The following MAP3K4 variants were observed in gnomAD, a reference collection of about 807,000 sequenced individuals.
The protein encoded by MAP3K4 is MAP three kinase 1.
A neutral mutation model predicts 185.6 loss-of-function variants in MAP3K4; 67 were observed. That is an observed-to-expected ratio of 0.36 (90% CI 0.30 to 0.44). The LOEUF (loss-of-function observed/expected upper bound fraction) is 0.44, where lower values mean the gene tolerates loss of function less well. Among genes scored for constraint, MAP3K4 ranks in the 20% least tolerant of loss-of-function variants. The pLI, the probability that MAP3K4 is intolerant of heterozygous loss-of-function variation, is 1.00. For synonymous variants in MAP3K4, 702 were observed against 710.4 expected (o/e 0.99, Z 0.19); for missense variants, 1,551 against 1,995.1 (o/e 0.78, Z 4.24).
At chr6:161,026,370 C>T (rs761196207) in intron 1 of MAP3K4, among the ~76,000 whole-genome samples, 2 of 151,956 alleles carry the variant, frequency 1.3e-5, no homozygotes, top group African/African-American at 2.4e-5. Context: ...CTTCTGACCT[C>T]GTGATCTGCC....
At position 161,109,042 on chromosome 6, in the gene MAP3K4, G is replaced by A. The variant is rs1778229517; in HGVS notation, c.4236+183G>A. 5 of 1,524,202 alleles carry A rather than the reference G, an allele frequency of 3.3e-6. No individual in the cohort carries two copies. The highest frequency in any genetic ancestry group is 3.5e-6 in the Non-Finnish European group (4 of 1,132,986). 94.4% of individuals were successfully genotyped at this position (1,524,202 alleles called of 1,614,324 possible). A position where few individuals can be genotyped will look rare whatever the true frequency, so the allele number is the denominator to read the frequency against. Reference sequence around the variant, plus strand: ...AAACTAGAGGAGTTCCTCCTAAAATGTAAGTTGTAGACTGTAGTCATTAAC... The same window carrying A: ...AAACTAGAGGAGTTCCTCCTAAAATATAAGTTGTAGACTGTAGTCATTAAC... On this transcript the variant is annotated intron_variant, in intron 22 of 26. Coordinates refer to ENST00000392142, the MANE Select transcript of MAP3K4 (RefSeq NM_005922.4). This position sits in a 1 kb window ranked among gnomAD's most constrained non-coding sequence, Gnocchi z 5.7.
intron 4 of MAP3K4, among the ~76,000 whole-genome samples, chr6:161,072,536 C>T (rs1458297270): frequency 6.6e-6 from 1 of 152,066 alleles, no homozygotes; most frequent in South Asian, 2.1e-4. Flanking sequence ...GGTTAATCAT[C>T]GATTTAAGTA....
At chr6:161,029,735 G>T (rs79658833) in intron 1 of MAP3K4, among the ~76,000 whole-genome samples, 3,591 of 152,248 alleles carry the variant, frequency 0.024, 152 homozygotes, top group African/African-American at 0.082. Flanking sequence ...CATCTCACAT[G>T]AACGATTACA....
At chr6:161,031,832 TG>T (rs1472662785) in intron 1 of MAP3K4, among the ~76,000 whole-genome samples, 1 of 152,234 alleles carries the variant, frequency 6.6e-6, no homozygotes, top group Non-Finnish European at 1.5e-5. Flanking sequence ...CAATAATGGA[TG>T]CTTCACCCAC....
Position 160,992,002 on chromosome 6 carries a change from AGCCGCCGCC to A in MAP3K4, c.72_80del (p.Pro34_Pro36del), listed in dbSNP as rs776186670. 4 of 1,537,170 alleles carry A rather than the reference AGCCGCCGCC, an allele frequency of 2.6e-6. No individual in the cohort carries two copies. The East Asian group carries it at 7.5e-5, about 29-fold the overall frequency. The stretch of plus-strand genomic sequence containing the variant: ...GTCACGCCTGCCGCCGCCATGGAGG[AGCCGCCGCC>A]ACCGCCGCCGCCGCCACCACCGCCA... On this transcript the variant is annotated inframe_deletion, in exon 1 of 27. Transcript: ENST00000392142.
At chr6:161,030,616 T>C (rs1052485585) in intron 1 of MAP3K4, among the ~76,000 whole-genome samples, 11 of 152,092 alleles carry the variant, frequency 7.2e-5, no homozygotes, top group African/African-American at 2.7e-4. Flanking sequence ...GGTTTTGCCA[T>C]GTTGTCCAGG....
At chr6:161,069,501 A>C (rs1470873491) in intron 3 of MAP3K4, among the ~76,000 whole-genome samples, 1 of 152,126 alleles carries the variant, frequency 6.6e-6, no homozygotes, top group East Asian at 1.9e-4. Flanking sequence ...AGAAGGCAGC[A>C]CTGGAGGGTG....
chr6:161,026,292 A>AG (rs1782650353), intron 1 of MAP3K4, among the ~76,000 whole-genome samples: 1 of 94,602 alleles, frequency 1.1e-5, no homozygotes, highest in African/African-American at 3.4e-5. Context: ...CACCACGCGC[A>AG]GCTAATTTTT....
At position 161,049,219 on chromosome 6, in the gene MAP3K4, G is replaced by A. The variant is rs1783888193; in HGVS notation, c.947G>A (p.Gly316Asp). ...TTCGCCTTTGTTAGAGATAGAGCTGGTTTTAATGGTACTTCAGTAGAAGGG... is the reference window on the plus strand; with the variant it reads ...TTCGCCTTTGTTAGAGATAGAGCTGATTTTAATGGTACTTCAGTAGAAGGG... The part of the protein sequence containing the change: ...GSFAFVRDRA[G>D]FNGTSVEGQC... Residue 316 changes from glycine (G) to aspartate (D), a missense_variant, in exon 3 of 27, where the codon GGT (glycine) becomes GAT (aspartate). By Grantham distance (94) the Gly-to-Asp change is moderately conservative. Coordinates refer to ENST00000392142, the MANE Select transcript of MAP3K4 (RefSeq NM_005922.4). The surrounding 1 kb of genome is among the most constrained non-coding windows in gnomAD (Gnocchi z 8.4). The A allele has an allele frequency of 6.2e-7, 1 of 1,614,144 alleles. No individual in the cohort carries two copies. The highest frequency in any genetic ancestry group is 8.5e-7 in the Non-Finnish European group (1 of 1,180,010).
intron 2 of MAP3K4, among the ~76,000 whole-genome samples, chr6:161,044,763 T>TC (rs1361789557): frequency 2.0e-5 from 3 of 152,154 alleles, no homozygotes; most frequent in Non-Finnish European, 4.4e-5. Flanking sequence ...CAACTCAGCT[T>TC]CTGGTGAAGC....
In MAP3K4 at chr6:161,112,585, ATATT is replaced by A; in HGVS notation, c.4520-82_4520-79del. The A allele has an allele frequency of 1.2e-6, 1 of 805,260 alleles. No individual in the cohort carries two copies. The highest frequency in any genetic ancestry group is 1.8e-6 in the Non-Finnish European group (1 of 552,592). 49.9% of individuals were successfully genotyped at this position (805,260 alleles called of 1,614,324 possible). A position where few individuals can be genotyped will look rare whatever the true frequency, so the allele number is the denominator to read the frequency against. ...TAATGCAGGAAGATAATATTGTACA[ATATT>A]AATTTATTGCTTGGCTCTATTAATA... On this transcript the variant is annotated intron_variant, in intron 24 of 26. Transcript: ENST00000392142. The surrounding 1 kb of genome is among the most constrained non-coding windows in gnomAD (Gnocchi z 5.1).
intron 15 of MAP3K4, among the ~76,000 whole-genome samples, chr6:161,095,696 T>C (rs1302907191): frequency 6.6e-6 from 1 of 152,270 alleles, no homozygotes; most frequent in Non-Finnish European, 1.5e-5. Flanking sequence ...ATGAATGTAC[T>C]GTAATTCTTT....
At chr6:161,089,963 G>A (rs927407966) in intron 11 of MAP3K4, among the ~76,000 whole-genome samples, 1 of 152,168 alleles carries the variant, frequency 6.6e-6, no homozygotes, top group Non-Finnish European at 1.5e-5. Flanking sequence ...CAGCCTGGCT[G>A]TCTTTTTCCA....
chr6:160,991,792 G>A lies in MAP3K4; in HGVS notation c.-140G>A, dbSNP rs1357577053. The A allele has an allele frequency of 8.0e-6, 8 of 993,896 alleles. No individual in the cohort carries two copies. Among genetic ancestry groups the A allele is most frequent in the South Asian group, 7.1e-5 (3 of 41,976 alleles). The allele number at this position is 993,896 out of a possible 1,614,324, so 61.6% of individuals were successfully genotyped here. A position where few individuals can be genotyped will look rare whatever the true frequency, so the allele number is the denominator to read the frequency against. ...GCGCTCGGCCGGTCGCCGTTTCCAAGATGGCCGCGGCGCGCACGGCTCCTG... is the reference window on the plus strand; with the variant it reads ...GCGCTCGGCCGGTCGCCGTTTCCAAAATGGCCGCGGCGCGCACGGCTCCTG... On this transcript the variant is annotated 5_prime_UTR_variant, in exon 1 of 27. Transcript: ENST00000392142. The surrounding 1 kb of genome is among the most constrained non-coding windows in gnomAD (Gnocchi z 5.7).
At chr6:161,092,848 C>T in intron 13 of MAP3K4, 130 bp from the exon 14 acceptor site, 1 of 518,396 alleles carries the variant, frequency 1.9e-6, no homozygotes, top group Non-Finnish European at 3.5e-6. Flanking sequence ...ACTTACTGAA[C>T]CCAAGCAAAA....
Position 161,109,396 on chromosome 6 carries a change from A to T in MAP3K4, c.4237-359A>T, listed in dbSNP as rs537937031. 2.8e-4 allele frequency among the ~76,000 whole-genome samples: 42 copies of T among 152,316 alleles called. No homozygotes were observed. The South Asian group carries it at 7.7e-3, about 28-fold the overall frequency. ...TTTAATGTTTTTACAAATTATGTTT[A>T]AAAAGGATGTGTTTCAGTACTTAAT... On this transcript the variant is annotated intron_variant, in intron 22 of 26. Coordinates refer to ENST00000392142, the MANE Select transcript of MAP3K4 (RefSeq NM_005922.4). The surrounding 1 kb of genome is among the most constrained non-coding windows in gnomAD (Gnocchi z 5.7).
chr6:161,025,416 C>T (rs1321131655), intron 1 of MAP3K4, among the ~76,000 whole-genome samples: 6 of 152,152 alleles, frequency 3.9e-5, no homozygotes, highest in South Asian at 2.1e-4. Context: ...CTCTAGTGTC[C>T]GTTTTCCGTC....
At position 160,992,083 on chromosome 6, in the gene MAP3K4, G is replaced by T; in HGVS notation, c.152G>T (p.Arg51Met). ...GAACCCGAGTGCTGCTTGGCGGCGAGGTGAGTGTGGCGGCCGCAGTCGGTC... is the reference window on the plus strand; with the variant it reads ...GAACCCGAGTGCTGCTTGGCGGCGATGTGAGTGTGGCGGCCGCAGTCGGTC... Reference protein sequence around the residue: ...ESEPECCLAARQEGTLGDSAC... With the variant: ...ESEPECCLAAMQEGTLGDSAC... The change falls in exon 1 of 27, where the codon AGG becomes ATG. Residue 51 changes from arginine (R) to methionine (M), a missense_variant and splice_region_variant. Physicochemically the swap from Arg to Met is moderately conservative, Grantham distance 91. Around this residue, in one of 16 missense-constraint regions of MAP3K4, gnomAD observed 287 missense variants for 268.8 expected, o/e 1.07. Coordinates refer to ENST00000392142, the MANE Select transcript of MAP3K4 (RefSeq NM_005922.4). The T allele has an allele frequency of 3.8e-6, 6 of 1,564,996 alleles. No homozygotes were observed. Among genetic ancestry groups the T allele is most frequent in the Non-Finnish European group, 5.2e-6 (6 of 1,162,040 alleles).
At position 161,115,400 on chromosome 6, in the gene MAP3K4, T is replaced by C. The variant is rs1425639393; in HGVS notation, c.4806+98T>C. 2.6e-6 allele frequency: 3 copies of C among 1,175,268 alleles called. No homozygotes were observed. Among genetic ancestry groups the C allele is most frequent in the Admixed American group, 5.3e-5 (2 of 38,052 alleles). 72.8% of individuals were successfully genotyped at this position (1,175,268 alleles called of 1,614,324 possible). On this transcript the variant is annotated intron_variant, in intron 26 of 26. Coordinates refer to ENST00000392142, the MANE Select transcript of MAP3K4 (RefSeq NM_005922.4). This position sits in a 1 kb window ranked among gnomAD's most constrained non-coding sequence, Gnocchi z 6.0. ...AAATTTTGAAACTTTAAAGTAGCTA[T>C]ATCTGAAGTGGAAAGGAACTAAATG...
Sources: gnomAD v4.1 joint callset for allele counts (sites outside exome capture counted in the v4.1 genomes callset) on GRCh38, gnomAD v4.1.1 for gene constraint, gnomAD v4.1.1 regional missense constraint, Gnocchi (gnomAD v3.1) non-coding constraint, MANE v1.5 for transcripts, NCBI Gene and HGNC (gene_info 2026-07-23, HGNC 2026-07-21) for gene names.